Variants in CAMK1D observed in about 807,000 individuals in gnomAD.
CAMK1D encodes the protein calcium/calmodulin-dependent protein kinase type 1D.
CAMK1D carries 9 observed loss-of-function variants against 47.7 expected under a neutral mutation model. The observed-to-expected ratio is 0.19, with a 90% CI of 0.11 to 0.33. The LOEUF (loss-of-function observed/expected upper bound fraction) is 0.33, where lower values mean the gene tolerates loss of function less well. CAMK1D is among the 10% of genes least tolerant of loss of function. The pLI is 1.00. For missense variants in CAMK1D, 291 were observed against 488.7 expected (o/e 0.60, Z 3.81); for synonymous variants, 184 against 184.9 (o/e 0.99, Z 0.04).
chr10:12,527,754 A>G (rs1195869833), intron 1 of CAMK1D, among the ~76,000 whole-genome samples: 1 of 152,170 alleles, frequency 6.6e-6, no homozygotes, highest in African/African-American at 2.4e-5. Context: ...ATACTTCTTC[A>G]ACTTTCGACT....
At chr10:12,537,427 C>T (rs1218655408) in intron 1 of CAMK1D, among the ~76,000 whole-genome samples, 1 of 152,146 alleles carries the variant, frequency 6.6e-6, no homozygotes, top group Non-Finnish European at 1.5e-5. Flanking sequence ...ACAGGTATAG[C>T]CAGATTAGTT....
chr10:12,832,339 C>T lies in CAMK1D; in HGVS notation c.*3452C>T, dbSNP rs915323650. ...TGGGCAGCTGTCTGCCTCTCTACGG[C>T]TCTGCTTCCCAGCGGGCACACGGGT... On this transcript the variant is annotated 3_prime_UTR_variant, in exon 11 of 11. Coordinates refer to ENST00000619168, the MANE Select transcript of CAMK1D (RefSeq NM_153498.4). 1 of 152,372 alleles carries T rather than the reference C, an allele frequency of 6.6e-6. No individual in the cohort carries two copies. The highest frequency in any genetic ancestry group is 1.5e-5 in the Non-Finnish European group (1 of 68,174). 9.4% of individuals were successfully genotyped at this position (152,372 alleles called of 1,614,324 possible). A position where few individuals can be genotyped will look rare whatever the true frequency, so the allele number is the denominator to read the frequency against.
At chr10:12,642,059 AAAAG>A (rs1564462954) in intron 2 of CAMK1D, among the ~76,000 whole-genome samples, 4 of 152,048 alleles carry the variant, frequency 2.6e-5, no homozygotes, top group African/African-American at 4.8e-5. Context: ...AAAAAAAAAA[AAAAG>A]AAAGAAAAGG....
intron 4 of CAMK1D, among the ~76,000 whole-genome samples, chr10:12,763,826 C>T (rs540751323): frequency 6.6e-6 from 1 of 151,034 alleles, no homozygotes; most frequent in Non-Finnish European, 1.5e-5. Flanking sequence ...AGGTATTGGC[C>T]ACCAGTTGTC....
At chr10:12,630,795 T>C (rs1476174053) in intron 2 of CAMK1D, among the ~76,000 whole-genome samples, 1 of 152,106 alleles carries the variant, frequency 6.6e-6, no homozygotes, top group East Asian at 1.9e-4. Flanking sequence ...CTTCTTTGAG[T>C]TCCTATTGGA....
At chr10:12,781,780 A>G (rs1837508614) in intron 5 of CAMK1D, among the ~76,000 whole-genome samples, 1 of 151,382 alleles carries the variant, frequency 6.6e-6, no homozygotes, top group Non-Finnish European at 1.5e-5. Context: ...TCCTCCCGAG[A>G]AGCTGGGATT....
At chr10:12,581,823 T>C (rs1381874311) in intron 2 of CAMK1D, among the ~76,000 whole-genome samples, 3 of 152,330 alleles carry the variant, frequency 2.0e-5, no homozygotes, top group Non-Finnish European at 4.4e-5. Flanking sequence ...GAAGCTTTTC[T>C]CCCACTCTGA....
At chr10:12,782,402 T>C (rs1205795390) in intron 5 of CAMK1D, among the ~76,000 whole-genome samples, 1 of 152,218 alleles carries the variant, frequency 6.6e-6, no homozygotes, top group Admixed American at 6.5e-5. Flanking sequence ...TGAGGCCAAA[T>C]TCTCTACTGA....
chr10:12,369,788 G>A (rs1248000465), intron 1 of CAMK1D, among the ~76,000 whole-genome samples: 1 of 151,752 alleles, frequency 6.6e-6, no homozygotes, highest in African/African-American at 2.4e-5. Context: ...GTGAAACCCC[G>A]TCTCTACAAA....
At chr10:12,642,104 T>C (rs1053216866) in intron 2 of CAMK1D, among the ~76,000 whole-genome samples, 2 of 151,922 alleles carry the variant, frequency 1.3e-5, no homozygotes, top group Non-Finnish European at 2.9e-5. Flanking sequence ...ACCTGCTAAT[T>C]AGATTGCTAA....
At chr10:12,549,866 C>T (rs554120184) in intron 1 of CAMK1D, among the ~76,000 whole-genome samples, 5 of 152,326 alleles carry the variant, frequency 3.3e-5, no homozygotes, top group South Asian at 2.1e-4. Flanking sequence ...GGAGACCCCT[C>T]GCTCCCCTCC....
chr10:12,699,896 T>C (rs1833444053), intron 3 of CAMK1D, among the ~76,000 whole-genome samples: 1 of 152,186 alleles, frequency 6.6e-6, no homozygotes, highest in Non-Finnish European at 1.5e-5. Flanking sequence ...CATGTTGCTC[T>C]GATAGGGGCT....
At chr10:12,738,386 G>T (rs187069168) in intron 3 of CAMK1D, among the ~76,000 whole-genome samples, 43 of 152,284 alleles carry the variant, frequency 2.8e-4, no homozygotes, top group African/African-American at 8.9e-4. Context: ...TGAAGGACAC[G>T]TGAGCTCTTT....
chr10:12,533,947 G>C (rs1342361369), intron 1 of CAMK1D, among the ~76,000 whole-genome samples: 1 of 152,078 alleles, frequency 6.6e-6, no homozygotes, highest in Non-Finnish European at 1.5e-5. Flanking sequence ...TCTTATTCCA[G>C]GACGTCTCCT....
chr10:12,494,147 C>G (rs955661265), intron 1 of CAMK1D, among the ~76,000 whole-genome samples: 1 of 152,164 alleles, frequency 6.6e-6, no homozygotes, highest in African/African-American at 2.4e-5. Context: ...TTGGGTGTCT[C>G]ACGTCTGATG....
At chr10:12,455,590 AGTT>A (rs1380469915) in intron 1 of CAMK1D, among the ~76,000 whole-genome samples, 3 of 152,198 alleles carry the variant, frequency 2.0e-5, no homozygotes, top group Non-Finnish European at 4.4e-5. Context: ...TGTATGTAAA[AGTT>A]GTTCGTTTTT....
chr10:12,625,995 T>C lies in CAMK1D; in HGVS notation c.225-40741T>C, dbSNP rs1839202481. Among the ~76,000 whole-genome samples the C allele has an allele frequency of 2.6e-5, 4 of 152,352 alleles. No homozygotes were observed. The South Asian group carries it at 8.3e-4, about 32-fold the overall frequency. Reference sequence around the variant, plus strand: ...TAGGAACATTAATATATATTCATCATAACAAGTCAGATGACACAAATACAT... The same window carrying C: ...TAGGAACATTAATATATATTCATCACAACAAGTCAGATGACACAAATACAT... On this transcript the variant is annotated intron_variant, in intron 2 of 10. Transcript: ENST00000619168.
chr10:12,548,363 T>A (rs1272576716), intron 1 of CAMK1D, among the ~76,000 whole-genome samples: 1 of 151,680 alleles, frequency 6.6e-6, no homozygotes, highest in Non-Finnish European at 1.5e-5. Context: ...TCAGGCAACA[T>A]CATTGATTAG....
chr10:12,441,318 C>T (rs1005671251), intron 1 of CAMK1D, among the ~76,000 whole-genome samples: 7 of 152,122 alleles, frequency 4.6e-5, no homozygotes, highest in African/African-American at 1.7e-4. Flanking sequence ...CTGCCTCAGC[C>T]TCGCAGGTAG....
Sources: gnomAD v4.1 joint callset for allele counts (sites outside exome capture counted in the v4.1 genomes callset) on GRCh38, gnomAD v4.1.1 for gene constraint, MANE v1.5 for transcripts, NCBI Gene and HGNC (gene_info 2026-07-23, HGNC 2026-07-21) for gene names.